GNB4: variants seen among roughly 807,000 people sequenced by gnomAD.
GNB4 encodes the protein guanine nucleotide-binding protein subunit beta-4.
Under a neutral mutation model 45.2 loss-of-function variants are expected in GNB4, and 28 were observed. The observed-to-expected ratio is 0.62, with a 90% CI of 0.46 to 0.85. The LOEUF is 0.85. Among genes scored for constraint, GNB4 ranks in the 40% least tolerant of loss-of-function variants. The probability of loss-of-function intolerance (pLI) is 0.00; values close to 1 mark genes in which losing one functional copy is unlikely to be tolerated. For synonymous variants in GNB4, 132 were observed against 143.7 expected (o/e 0.92, Z 0.58); for missense variants, 321 against 425.4 (o/e 0.75, Z 2.16).
chr3:179,443,264 C>T (rs1348649971), intron 1 of GNB4, among the ~76,000 whole-genome samples: 1 of 152,172 alleles, frequency 6.6e-6, no homozygotes, highest in Admixed American at 6.5e-5. Context: ...TATGGCTGGG[C>T]ACAGTGGCTC....
At chr3:179,446,047 T>C (rs1442169669) in intron 1 of GNB4, among the ~76,000 whole-genome samples, 2 of 152,166 alleles carry the variant, frequency 1.3e-5, no homozygotes, top group Non-Finnish European at 2.9e-5. Context: ...AAAGATAAAA[T>C]AACACATCTT....
chr3:179,434,723 T>C (rs1288147054), intron 1 of GNB4, among the ~76,000 whole-genome samples: 1 of 135,700 alleles, frequency 7.4e-6, no homozygotes, highest in Non-Finnish European at 1.6e-5. Flanking sequence ...TCTGTCTCAT[T>C]AAAAAAAAAA....
chr3:179,496,939 A>T, the GNB4 span, among the ~76,000 whole-genome samples: 1 of 152,160 alleles, frequency 6.6e-6, no homozygotes, highest in Non-Finnish European at 1.5e-5. Flanking sequence ...CATATGATAG[A>T]AACATAAGGA....
At chr3:179,487,655 A>G in the GNB4 span, among the ~76,000 whole-genome samples, 8 of 152,370 alleles carry the variant, frequency 5.3e-5, no homozygotes, top group African/African-American at 1.9e-4. Flanking sequence ...TACTTAAAAA[A>G]TAAACTATGT....
chr3:179,477,800 C>T, the GNB4 span, among the ~76,000 whole-genome samples: 1 of 152,138 alleles, frequency 6.6e-6, no homozygotes, highest in Non-Finnish European at 1.5e-5. Context: ...TCTTACTGTT[C>T]CATTCACGAC....
At chr3:179,484,205 T>A in the GNB4 span, among the ~76,000 whole-genome samples, 1 of 152,226 alleles carries the variant, frequency 6.6e-6, no homozygotes, top group Non-Finnish European at 1.5e-5. Flanking sequence ...TTCAGAGTAG[T>A]TGAGAAACTA....
the GNB4 span, among the ~76,000 whole-genome samples, chr3:179,506,598 A>G: frequency 6.6e-6 from 1 of 152,166 alleles, no homozygotes; most frequent in South Asian, 2.1e-4. Flanking sequence ...GCTTTATAAA[A>G]GAAAACTTGA....
chr3:179,459,139 G>A, the GNB4 span, among the ~76,000 whole-genome samples: 1 of 152,202 alleles, frequency 6.6e-6, no homozygotes, highest in Admixed American at 6.5e-5. Context: ...AGGGGTAGGC[G>A]TGGGGAGGTC....
the GNB4 span, among the ~76,000 whole-genome samples, chr3:179,487,431 G>A: frequency 6.6e-6 from 1 of 152,030 alleles, no homozygotes; most frequent in Non-Finnish European, 1.5e-5. Context: ...CTCCCTCTTG[G>A]CGAAGGGAAC....
Position 179,440,880 on chromosome 3 carries a change from TAGAGAGAG to T in GNB4, c.-43+10458_-43+10465del, listed in dbSNP as rs141411562. Among the ~76,000 whole-genome samples the T allele has an allele frequency of 7.7e-3, 1,150 of 149,124 alleles. 23 individuals are homozygous for T. Among genetic ancestry groups the T allele is most frequent in the Admixed American group, 0.033 (494 of 14,984 alleles). ...AAAAATTCCTATATATATAGATAGA[TAGAGAGAG>T]AGAGAGAGAGAGAGATACAATAGCA... On this transcript the variant is annotated intron_variant, in intron 1 of 9. Coordinates refer to ENST00000232564, the MANE Select transcript of GNB4 (RefSeq NM_021629.4).
intron 5 of GNB4, 55 bp downstream of exon 5, chr3:179,416,438 G>C: frequency 9.7e-7 from 1 of 1,030,984 alleles, no homozygotes; most frequent in Non-Finnish European, 1.5e-6. Flanking sequence ...GGAAAGAACT[G>C]GTGAACAGCC....
chr3:179,432,648 AT>A (rs1559978602), intron 1 of GNB4, among the ~76,000 whole-genome samples: 1 of 152,358 alleles, frequency 6.6e-6, no homozygotes, highest in East Asian at 1.9e-4. Flanking sequence ...CAATATGACT[AT>A]AAAAATTTTT....
At chr3:179,488,767 G>A in the GNB4 span, among the ~76,000 whole-genome samples, 3 of 151,494 alleles carry the variant, frequency 2.0e-5, no homozygotes, top group African/African-American at 7.3e-5. Flanking sequence ...CAGATCGCTT[G>A]AGCTCAGGAG....
the GNB4 span, among the ~76,000 whole-genome samples, chr3:179,510,299 G>C: frequency 8.5e-5 from 13 of 152,088 alleles, no homozygotes; most frequent in African/African-American, 3.1e-4. Flanking sequence ...TGCAATCCTG[G>C]CTTTAAGATT....
chr3:179,447,290 C>G (rs980311050), intron 1 of GNB4, among the ~76,000 whole-genome samples: 1 of 145,534 alleles, frequency 6.9e-6, no homozygotes, highest in African/African-American at 2.6e-5. Context: ...CAGAGAGCAG[C>G]AGATGAGACT....
At chr3:179,524,592 T>G in the GNB4 span, among the ~76,000 whole-genome samples, 4 of 152,096 alleles carry the variant, frequency 2.6e-5, no homozygotes, top group East Asian at 5.8e-4. Flanking sequence ...AGGATCTAAT[T>G]TTTTGAGCTT....
chr3:179,518,954 C>T, the GNB4 span, among the ~76,000 whole-genome samples: 19 of 152,338 alleles, frequency 1.2e-4, no homozygotes, highest in Admixed American at 2.0e-4. Flanking sequence ...TAATTAACCT[C>T]GCCTTCAAGG....
chr3:179,507,923 A>G, the GNB4 span, among the ~76,000 whole-genome samples: 6 of 152,232 alleles, frequency 3.9e-5, no homozygotes, highest in Non-Finnish European at 4.4e-5. Flanking sequence ...CTGAATGAAT[A>G]ACCACATGTT....
the GNB4 span, among the ~76,000 whole-genome samples, chr3:179,509,495 A>AG: frequency 6.6e-6 from 1 of 152,002 alleles, no homozygotes; most frequent in African/African-American, 2.4e-5. Flanking sequence ...TGGTAGCCCT[A>AG]GGGGTTGACG....
Sources: allele counts gnomAD v4.1 joint callset (sites outside exome capture counted in the v4.1 genomes callset), GRCh38; gene constraint gnomAD v4.1.1; transcripts MANE v1.5; gene names NCBI Gene and HGNC (gene_info 2026-07-23, HGNC 2026-07-21).